The following ANKS1B variants were observed in gnomAD, a reference collection of about 807,000 sequenced individuals.
ANKS1B encodes ankyrin repeat and sterile alpha motif domain-containing protein 1B.
A neutral mutation model predicts 148.3 loss-of-function variants in ANKS1B; 36 were observed. The ratio of observed to expected loss-of-function variants is 0.24; its 90% CI spans 0.19 to 0.32. The LOEUF is 0.32. Among genes scored for constraint, ANKS1B ranks in the 10% least tolerant of loss-of-function variants. ANKS1B has a pLI of 1.00. For missense variants in ANKS1B, 1,157 were observed against 1,542.6 expected (o/e 0.75, Z 4.19); for synonymous variants, 542 against 560.8 (o/e 0.97, Z 0.47).
downstream of ANKS1B, among the ~76,000 whole-genome samples, chr12:98,739,754 G>GA (rs924312992): frequency 4.6e-5 from 7 of 152,050 alleles, no homozygotes; most frequent in Non-Finnish European, 8.8e-5. Flanking sequence ...GTGGGGCTTA[G>GA]AAAAAACATG....
intron 15 of ANKS1B, among the ~76,000 whole-genome samples, chr12:99,134,659 A>T (rs879561033): frequency 0.092 from 9,494 of 102,714 alleles, 510 homozygotes; most frequent in African/African-American, 0.18. Context: ...ACACACACAC[A>T]CACACACACA....
chr12:98,781,387 C>A (rs1388676668), intron 23 of ANKS1B, 184 bp from the exon 24 acceptor site: 1 of 667,032 alleles, frequency 1.5e-6, no homozygotes. Context: ...TCTGCCTCTC[C>A]TCTCTTGGGC....
At chr12:99,103,172 T>C (rs1204279187) in intron 15 of ANKS1B, among the ~76,000 whole-genome samples, 7 of 152,030 alleles carry the variant, frequency 4.6e-5, no homozygotes, top group Non-Finnish European at 8.8e-5. Flanking sequence ...CTGAAGCCCT[T>C]CACTGCTGAT....
rs569208597 is a variant in ANKS1B, at chr12:99,858,278, CA to C, written c.135-32890del. ...GATATACAAATGGCCAACAAACATA[CA>C]AAAAAATGCTCAACATCACTAATGA... On this transcript the variant is annotated intron_variant, in intron 1 of 26. Transcript: ENST00000683438. 3.5e-3 allele frequency among the ~76,000 whole-genome samples: 535 copies of C among 152,028 alleles called. 7 individuals carry two copies. Among genetic ancestry groups the C allele is most frequent in the South Asian group, 0.028 (135 of 4,818 alleles).
At chr12:98,866,156 A>G (rs1272044923) in intron 17 of ANKS1B, among the ~76,000 whole-genome samples, 1 of 152,128 alleles carries the variant, frequency 6.6e-6, no homozygotes, top group South Asian at 2.1e-4. Flanking sequence ...TATCTAAAGC[A>G]AGGCCCTAAA....
intron 25 of ANKS1B, among the ~76,000 whole-genome samples, chr12:98,764,008 G>A (rs962456518): frequency 3.9e-5 from 6 of 152,330 alleles, no homozygotes; most frequent in Non-Finnish European, 7.3e-5. Flanking sequence ...CTGGTCACCT[G>A]TCTTCATGGA....
chr12:99,961,508 C>A (rs566988029), intron 1 of ANKS1B, among the ~76,000 whole-genome samples: 1 of 152,182 alleles, frequency 6.6e-6, no homozygotes, highest in African/African-American at 2.4e-5. Flanking sequence ...CCTGCCTTCC[C>A]CTCATCCTCA....
At chr12:98,971,386 G>C (rs2099882993) in intron 17 of ANKS1B, among the ~76,000 whole-genome samples, 1 of 152,166 alleles carries the variant, frequency 6.6e-6, no homozygotes, top group Admixed American at 6.5e-5. Flanking sequence ...CAACAAAAGA[G>C]ACAGATAACC....
chr12:99,465,456 T>C (rs1282974125), intron 10 of ANKS1B, among the ~76,000 whole-genome samples: 1 of 152,168 alleles, frequency 6.6e-6, no homozygotes, highest in Non-Finnish European at 1.5e-5. Context: ...TAACTTTAAA[T>C]GTAAATGGAC....
intron 1 of ANKS1B, among the ~76,000 whole-genome samples, chr12:99,935,889 A>T (rs1206730861): frequency 3.9e-5 from 1 of 25,838 alleles, no homozygotes; most frequent in Non-Finnish European, 1.1e-4. Flanking sequence ...AATACCTGAC[A>T]CTGGATAATT....
intron 9 of ANKS1B, among the ~76,000 whole-genome samples, chr12:99,576,894 T>C (rs1296121827): frequency 3.9e-5 from 6 of 151,948 alleles, no homozygotes; most frequent in African/African-American, 1.4e-4. Flanking sequence ...ACTTAGTTTT[T>C]CAACTCTCAC....
intron 15 of ANKS1B, among the ~76,000 whole-genome samples, chr12:99,098,961 T>A (rs189391045): frequency 2.6e-4 from 40 of 152,246 alleles, no homozygotes; most frequent in African/African-American, 9.1e-4. Context: ...CAACGGAGCA[T>A]GCGCTGGGCT....
At chr12:99,648,575 T>TAA (rs762930877) in intron 9 of ANKS1B, 1 of 1,614,004 alleles carries the variant, frequency 6.2e-7, no homozygotes, top group African/African-American at 1.3e-5. Context: ...CACAACAGCG[T>TAA]AAAAAAACAG....
At chr12:99,649,324 T>A in intron 9 of ANKS1B, 1 of 1,614,156 alleles carries the variant, frequency 6.2e-7, no homozygotes, top group Non-Finnish European at 8.5e-7. Flanking sequence ...GAAGGAGCAA[T>A]TCAGAATCAG....
At position 99,632,767 on chromosome 12, in the gene ANKS1B, A is replaced by ATATATTTTTT. The variant is rs1441486862; in HGVS notation, c.1272+22299_1272+22300insAAAAAATATA. Among the ~76,000 whole-genome samples, 30 of 71,312 alleles carry ATATATTTTTT rather than the reference A, an allele frequency of 4.2e-4. 1 individual carries two copies. The East Asian group carries it at 6.7e-3, about 16-fold the overall frequency. The allele number at this position is 71,312 out of a possible 152,430, so 46.8% of individuals were successfully genotyped here. A position where few individuals can be genotyped will look rare whatever the true frequency, so the allele number is the denominator to read the frequency against. On this transcript the variant is annotated intron_variant, in intron 9 of 26. Transcript: ENST00000683438. ...TATATATATATATATATATATATAT[A>ATATATTTTTT]TTTTAATTATACTTTAAGTTCTAGG...
intron 10 of ANKS1B, among the ~76,000 whole-genome samples, chr12:99,451,753 G>A (rs1476004088): frequency 1.3e-5 from 2 of 151,774 alleles, no homozygotes; most frequent in Admixed American, 6.6e-5. Context: ...CTTTCACATA[G>A]TGTTACAAAG....
chr12:98,782,198 T>C, intron 22 of ANKS1B, 61 bp from the exon 23 acceptor site: 5 of 1,392,246 alleles, frequency 3.6e-6, no homozygotes, highest in Non-Finnish European at 5.0e-6. Flanking sequence ...ATATAAAAGG[T>C]GAGAGAGAGG....
intron 1 of ANKS1B, among the ~76,000 whole-genome samples, chr12:99,859,449 T>C (rs1483587695): frequency 1.3e-5 from 2 of 152,232 alleles, no homozygotes; most frequent in Non-Finnish European, 2.9e-5. Flanking sequence ...TTAGCTTTGC[T>C]AGGAGATCTG....
intron 14 of ANKS1B, among the ~76,000 whole-genome samples, chr12:99,159,430 C>A (rs754311593): frequency 4.6e-5 from 7 of 152,110 alleles, no homozygotes; most frequent in East Asian, 1.9e-4. Flanking sequence ...TCTTCATGCC[C>A]ATGAATACCC....
Sources: gnomAD v4.1 joint callset for allele counts (sites outside exome capture counted in the v4.1 genomes callset) on GRCh38, gnomAD v4.1.1 for gene constraint, MANE v1.5 for transcripts, NCBI Gene and HGNC (gene_info 2026-07-23, HGNC 2026-07-21) for gene names.